Variants in LURAP1 observed in about 807,000 individuals in gnomAD.
The protein encoded by LURAP1 is NF-kappa-B activator C1orf190.
LURAP1 carries 14 observed loss-of-function variants against 19.0 expected under a neutral mutation model. That is an observed-to-expected ratio of 0.74 (90% CI 0.49 to 1.15). LURAP1 has a LOEUF of 1.15. LURAP1 is among the 50% of genes most tolerant of loss of function. The probability of loss-of-function intolerance (pLI) is 0.00; values close to 1 mark genes in which losing one functional copy is unlikely to be tolerated. For missense variants in LURAP1, 273 were observed against 309.1 expected (o/e 0.88, Z 0.87); for synonymous variants, 129 against 131.8 (o/e 0.98, Z 0.14).
At position 46,212,928 on chromosome 1, in the gene LURAP1, A is replaced by AT. The variant is rs544805776; in HGVS notation, c.199-6763dup. 2.3e-3 allele frequency among the ~76,000 whole-genome samples: 346 copies of AT among 150,512 alleles called. 2 individuals are homozygous for AT. The highest frequency in any genetic ancestry group is 7.9e-3 in the African/African-American group (326 of 41,026). ...GTGTCCACCACCACACCTGGCAAAA[A>AT]TTTTTTTTGTAATTTTTAGTAGAGA... On this transcript the variant is annotated intron_variant, in intron 1 of 1. Coordinates refer to ENST00000371980, the MANE Select transcript of LURAP1 (RefSeq NM_001013615.3).
At chr1:46,205,368 G>C (rs1276933667) in intron 1 of LURAP1, among the ~76,000 whole-genome samples, 2 of 152,104 alleles carry the variant, frequency 1.3e-5, no homozygotes, top group Non-Finnish European at 2.9e-5. Flanking sequence ...CCAACATCAC[G>C]CAAAAAGCAG....
intron 1 of LURAP1, among the ~76,000 whole-genome samples, chr1:46,210,558 T>G (rs562830367): frequency 6.6e-6 from 1 of 152,316 alleles, no homozygotes; most frequent in Admixed American, 6.5e-5. Flanking sequence ...GGGGTTCCTA[T>G]GACCCCCTCC....
At chr1:46,210,685 G>A (rs1658865154) in intron 1 of LURAP1, among the ~76,000 whole-genome samples, 1 of 152,194 alleles carries the variant, frequency 6.6e-6, no homozygotes, top group South Asian at 2.1e-4. Flanking sequence ...CAAGGCATAC[G>A]GGAAGGGGTG....
At chr1:46,208,460 G>A (rs1206993467) in intron 1 of LURAP1, among the ~76,000 whole-genome samples, 2 of 152,088 alleles carry the variant, frequency 1.3e-5, no homozygotes, top group African/African-American at 2.4e-5. Context: ...ATTCCATCTC[G>A]AGGAAGGGCA....
chr1:46,217,893 T>TA (rs538819426), intron 1 of LURAP1, among the ~76,000 whole-genome samples: 230 of 152,204 alleles, frequency 1.5e-3, no homozygotes, highest in African/African-American at 5.3e-3. Flanking sequence ...CCTAATCTTA[T>TA]ATAGTGTGGG....
At chr1:46,204,623 C>T (rs548009008) in intron 1 of LURAP1, among the ~76,000 whole-genome samples, 21 of 152,134 alleles carry the variant, frequency 1.4e-4, no homozygotes, top group South Asian at 6.2e-4. Flanking sequence ...GGCTCCGACG[C>T]CTGAGCTGAG....
chr1:46,206,734 CCCTGAAT>C (rs1658728984), intron 1 of LURAP1, among the ~76,000 whole-genome samples: 1 of 152,090 alleles, frequency 6.6e-6, no homozygotes, highest in Non-Finnish European at 1.5e-5. Flanking sequence ...CAACCCAGAC[CCCTGAAT>C]CCTGGGAACC....
intron 1 of LURAP1, among the ~76,000 whole-genome samples, chr1:46,212,489 G>T (rs987133894): frequency 6.6e-6 from 1 of 151,940 alleles, no homozygotes; most frequent in East Asian, 1.9e-4. Context: ...CACCGTGTTA[G>T]CCAGGATGGT....
intron 1 of LURAP1, among the ~76,000 whole-genome samples, chr1:46,215,146 A>T (rs1659025311): frequency 6.6e-6 from 1 of 151,560 alleles, no homozygotes; most frequent in Non-Finnish European, 1.5e-5. Flanking sequence ...GAATGGCGTG[A>T]ACCCGGGAGG....
intron 1 of LURAP1, among the ~76,000 whole-genome samples, chr1:46,215,082 C>T (rs766571092): frequency 2.6e-5 from 4 of 151,550 alleles, no homozygotes; most frequent in Non-Finnish European, 4.4e-5. Flanking sequence ...AAAAATTAGC[C>T]GGGTGTGGTG....
Position 46,219,708 on chromosome 1 carries a change from C to G in LURAP1, c.208C>G (p.Arg70Gly), listed in dbSNP as rs368611590. The G allele has an allele frequency of 6.3e-7, 1 of 1,588,194 alleles. No individual in the cohort carries two copies. Among genetic ancestry groups the G allele is most frequent in the Admixed American group, 1.7e-5 (1 of 58,086 alleles). The change falls in exon 2 of 2, where the codon CGA becomes GGA. Residue 70 changes from arginine (R) to glycine (G), a missense_variant. Physicochemically the swap from Arg to Gly is moderately radical, Grantham distance 125 (BLOSUM62 -2). Coordinates refer to ENST00000371980, the MANE Select transcript of LURAP1 (RefSeq NM_001013615.3). Reference protein sequence around the residue: ...MALKMELAYLRAIDVKILQQL... With the variant: ...MALKMELAYLGAIDVKILQQL... ...TCTCCCACTCCCCCAGGCTTACCTG[C>G]GAGCCATCGATGTGAAGATCCTGCA...
chr1:46,213,739 A>G (rs1187835904), intron 1 of LURAP1, among the ~76,000 whole-genome samples: 1 of 152,092 alleles, frequency 6.6e-6, no homozygotes. Flanking sequence ...TTTAAAAAGT[A>G]CTAAATATCA....
intron 1 of LURAP1, among the ~76,000 whole-genome samples, chr1:46,213,490 A>AT (rs1658968476): frequency 6.6e-6 from 1 of 151,912 alleles, no homozygotes; most frequent in African/African-American, 2.4e-5. Flanking sequence ...GACTTTATAT[A>AT]TGGAGAATAG....
chr1:46,215,733 CAA>C (rs200177357), intron 1 of LURAP1, among the ~76,000 whole-genome samples: 1 of 151,400 alleles, frequency 6.6e-6, no homozygotes, highest in Non-Finnish European at 1.5e-5. Context: ...ACCCCATCTA[CAA>C]AAAAAAATTT....
At position 46,220,222 on chromosome 1, in the gene LURAP1, A is replaced by G. The variant is rs1169968298; in HGVS notation, c.*2A>G. 1 of 1,600,424 alleles carries G rather than the reference A, an allele frequency of 6.2e-7. No individual in the cohort carries two copies. The highest frequency in any genetic ancestry group is 8.5e-7 in the Non-Finnish European group (1 of 1,172,460). On this transcript the variant is annotated 3_prime_UTR_variant, in exon 2 of 2. Coordinates refer to ENST00000371980, the MANE Select transcript of LURAP1 (RefSeq NM_001013615.3). ...CAGGATGATGTGACCTTCTTGTAAC[A>G]ACTATTCCACCCTTTTGTAATCCTG... is the stretch of plus-strand genomic sequence containing the variant.
chr1:46,212,745 T>TTTTTA (rs923600018), intron 1 of LURAP1, among the ~76,000 whole-genome samples: 33 of 151,826 alleles, frequency 2.2e-4, no homozygotes, highest in South Asian at 4.2e-4. Context: ...CTTGGCTAAT[T>TTTTTA]TTTTATTTTA....
chr1:46,212,645 C>T (rs1377029194), intron 1 of LURAP1, among the ~76,000 whole-genome samples: 1 of 152,116 alleles, frequency 6.6e-6, no homozygotes, highest in Admixed American at 6.6e-5. Context: ...GGCACCATCT[C>T]AGCTCACTGT....
chr1:46,219,576 G>T (rs1359784638), intron 1 of LURAP1, 123 bp from the exon 2 acceptor site: 1 of 1,103,268 alleles, frequency 9.1e-7, no homozygotes, highest in Non-Finnish European at 1.3e-6. Context: ...ACTGCAAGCC[G>T]TTATAATTCC....
At chr1:46,204,473 ATTGCCATCGGCTTCCTGGC>A (rs1358094089) in intron 1 of LURAP1, among the ~76,000 whole-genome samples, 7 of 152,302 alleles carry the variant, frequency 4.6e-5, no homozygotes, top group Non-Finnish European at 7.4e-5. Flanking sequence ...GAACTGAGGA[ATTGCCATCGGCTTCCTGGC>A]TCACAACCAG....
Sources: gnomAD v4.1 joint callset for allele counts (sites outside exome capture counted in the v4.1 genomes callset) on GRCh38, gnomAD v4.1.1 for gene constraint, MANE v1.5 for transcripts, NCBI Gene and HGNC (gene_info 2026-07-23, HGNC 2026-07-21) for gene names.